Variants in MMP16 observed in about 807,000 individuals in gnomAD.
MMP16 encodes the protein matrix metallopeptidase 16.
A neutral mutation model predicts 67.8 loss-of-function variants in MMP16; 12 were observed. The observed-to-expected ratio is 0.18, with a 90% confidence interval of 0.11 to 0.29. The LOEUF is 0.29. Ranked by LOEUF, MMP16 falls within the 10% of genes least tolerant of loss-of-function variation. The pLI, the probability that MMP16 is intolerant of heterozygous loss-of-function variation, is 1.00. For synonymous variants in MMP16, 249 were observed against 255.9 expected (o/e 0.97, Z 0.26); for missense variants, 475 against 765.7 (o/e 0.62, Z 4.48).
At chr8:88,205,178 A>G (rs1286417580) in intron 1 of MMP16, among the ~76,000 whole-genome samples, 2 of 152,208 alleles carry the variant, frequency 1.3e-5, no homozygotes, top group Admixed American at 6.5e-5. Context: ...ATAAAACCCC[A>G]GAAAAAATAG....
chr8:88,271,825 CACATGAGAACTTGGTAGATA>C (rs1160326462), intron 1 of MMP16, among the ~76,000 whole-genome samples: 1 of 152,132 alleles, frequency 6.6e-6, no homozygotes, highest in African/African-American at 2.4e-5. Flanking sequence ...ACAAAACAAA[CACATGAGAACTTGGTAGATA>C]ACAGGAAAGT....
intron 1 of MMP16, among the ~76,000 whole-genome samples, chr8:88,268,534 T>G (rs1810515202): frequency 6.6e-6 from 1 of 152,180 alleles, no homozygotes; most frequent in African/African-American, 2.4e-5. Context: ...AAATGAAATC[T>G]TAGTAAGAAC....
At chr8:88,280,229 T>G (rs1193032413) in intron 1 of MMP16, among the ~76,000 whole-genome samples, 1 of 152,212 alleles carries the variant, frequency 6.6e-6, no homozygotes, top group African/African-American at 2.4e-5. Context: ...TATCCTGAAG[T>G]TAATACTACA....
chr8:88,056,081 A>AAACATTGGTTAATTAACTGTTTTTCTC lies in MMP16; in HGVS notation c.1373+20_1373+46dup, dbSNP rs771788254. 171 of 1,360,140 alleles carry AAACATTGGTTAATTAACTGTTTTTCTC rather than the reference A, an allele frequency of 1.3e-4. No homozygotes were observed. The Middle Eastern group carries it at 1.4e-3, about 11-fold the overall frequency. The allele number at this position is 1,360,140 out of a possible 1,614,324, so 84.3% of individuals were successfully genotyped here. ...GATAGACTAGAAATGCTGATTTTCT[A>AAACATTGGTTAATTAACTGTTTTTCTC]AACATTGGTTAATTAACTGTTTTTC... On this transcript the variant is annotated intron_variant, in intron 8 of 9. Transcript: ENST00000286614.
intron 4 of MMP16, among the ~76,000 whole-genome samples, chr8:88,138,340 GCTTCCCTAGAGTATAGGGC>G (rs1808156981): frequency 6.6e-6 from 1 of 151,918 alleles, no homozygotes; most frequent in Non-Finnish European, 1.5e-5. Context: ...CTAATGTAGT[GCTTCCCTAGAGTATAGGGC>G]CTAACAGGCC....
intron 1 of MMP16, among the ~76,000 whole-genome samples, chr8:88,276,522 A>G (rs562374690): frequency 1.3e-5 from 2 of 152,284 alleles, no homozygotes; most frequent in Non-Finnish European, 2.9e-5. Flanking sequence ...CCAGAGAAGA[A>G]CTACCTTAAA....
chr8:88,241,452 T>C (rs1187863179), intron 1 of MMP16, among the ~76,000 whole-genome samples: 5 of 152,096 alleles, frequency 3.3e-5, no homozygotes, highest in Non-Finnish European at 7.4e-5. Flanking sequence ...TCTTGATAAA[T>C]ATGAACATTT....
chr8:88,088,412 C>G (rs922508675), intron 6 of MMP16, among the ~76,000 whole-genome samples: 1 of 151,960 alleles, frequency 6.6e-6, no homozygotes, highest in African/African-American at 2.4e-5. Context: ...TTCAAAGGAA[C>G]ACAAAGTTAC....
chr8:88,222,170 C>T (rs1809693526), intron 1 of MMP16, among the ~76,000 whole-genome samples: 1 of 151,708 alleles, frequency 6.6e-6, no homozygotes, highest in Non-Finnish European at 1.5e-5. Context: ...GTGTAGATGA[C>T]ATGGAATCTT....
intron 1 of MMP16, among the ~76,000 whole-genome samples, chr8:88,221,991 A>T (rs1809690390): frequency 1.3e-5 from 2 of 152,068 alleles, no homozygotes; most frequent in African/African-American, 4.8e-5. Flanking sequence ...ATACTTGTTC[A>T]TTTTTTTATT....
chr8:88,064,033 G>A (rs1281619543), intron 7 of MMP16, among the ~76,000 whole-genome samples: 1 of 152,060 alleles, frequency 6.6e-6, no homozygotes, highest in Middle Eastern at 3.2e-3. Context: ...TACAGCAGTG[G>A]TCAGTGAAGG....
intron 4 of MMP16, among the ~76,000 whole-genome samples, chr8:88,124,298 A>G (rs1345931400): frequency 6.6e-6 from 1 of 151,988 alleles, no homozygotes; most frequent in African/African-American, 2.4e-5. Context: ...CATACGTGCC[A>G]AGTAGAGTAC....
chr8:88,317,844 T>C (rs1424861494), intron 1 of MMP16, among the ~76,000 whole-genome samples: 2 of 152,082 alleles, frequency 1.3e-5, no homozygotes, highest in East Asian at 1.9e-4. Context: ...CTCTCCACAA[T>C]AAAGGCAACA....
rs371193481 is a variant in MMP16, at chr8:88,083,726, T to A, written c.1084-8983A>T. On this transcript the variant is annotated intron_variant, in intron 6 of 9. Coordinates refer to ENST00000286614, the MANE Select transcript of MMP16 (RefSeq NM_005941.5). ...TCTCTAGTTCATGAGAGTTAGCTTTTTAGAGAAGAATGCCTAATGCAGAAG... is the reference window on the plus strand; with the variant it reads ...TCTCTAGTTCATGAGAGTTAGCTTTATAGAGAAGAATGCCTAATGCAGAAG... Among the ~76,000 whole-genome samples, 72 of 152,184 alleles carry A rather than the reference T, an allele frequency of 4.7e-4. No homozygotes were observed. In the East Asian group the frequency reaches 9.3e-3, roughly 20 times the overall value.
chr8:88,123,507 G>T (rs1393997305), intron 4 of MMP16, among the ~76,000 whole-genome samples: 1 of 151,642 alleles, frequency 6.6e-6, no homozygotes, highest in Non-Finnish European at 1.5e-5. Flanking sequence ...TGGTGGTCAG[G>T]AAAACGTGGT....
intron 2 of MMP16, 34 bp from the exon 3 acceptor site, chr8:88,186,632 A>G (rs1340253710): frequency 2.0e-6 from 3 of 1,525,616 alleles, no homozygotes; most frequent in East Asian, 4.6e-5. Flanking sequence ...AAAAAGCAGT[A>G]TTTTCCAGTT....
intron 3 of MMP16, among the ~76,000 whole-genome samples, chr8:88,185,758 T>C (rs188405396): frequency 3.3e-5 from 5 of 152,280 alleles, no homozygotes; most frequent in African/African-American, 1.2e-4. Flanking sequence ...CTAGAATGGG[T>C]TGGATGACCC....
chr8:88,122,683 G>A (rs1373281939), intron 4 of MMP16, among the ~76,000 whole-genome samples: 3 of 151,818 alleles, frequency 2.0e-5, no homozygotes, highest in Non-Finnish European at 4.4e-5. Flanking sequence ...ATCAGACTAT[G>A]TGTACAGTTG....
At chr8:88,089,951 A>C (rs1808906266) in intron 6 of MMP16, among the ~76,000 whole-genome samples, 2 of 152,034 alleles carry the variant, frequency 1.3e-5, no homozygotes, top group South Asian at 4.1e-4. Context: ...TTGCTCAATC[A>C]CATGTATATT....
Sources: allele counts gnomAD v4.1 joint callset (sites outside exome capture counted in the v4.1 genomes callset), GRCh38; gene constraint gnomAD v4.1.1; transcripts MANE v1.5; gene names NCBI Gene and HGNC (gene_info 2026-07-23, HGNC 2026-07-21).